Variants in RB1 observed in about 807,000 individuals in gnomAD.
The protein encoded by RB1 is RB transcriptional corepressor 1.
In RB1, 18 loss-of-function variants were observed where a neutral mutation model predicts 135.4. That is an observed-to-expected ratio of 0.13 (90% confidence interval 0.09 to 0.20). RB1 has a LOEUF of 0.20. Among genes scored for constraint, RB1 ranks in the 10% least tolerant of loss-of-function variants. RB1 has a pLI of 1.00. For synonymous variants in RB1, 365 were observed against 373.2 expected (o/e 0.98, Z 0.25); for missense variants, 868 against 1,110.0 (o/e 0.78, Z 3.10).
intron 24 of RB1, 135 bp downstream of exon 24, chr13:48,473,525 G>A (rs1949485521): frequency 2.9e-6 from 2 of 694,380 alleles, no homozygotes; most frequent in South Asian, 1.8e-5. Context: ...AATTTTATGA[G>A]ATATATATAT....
chr13:48,344,552 G>A (rs922207162), intron 3 of RB1, among the ~76,000 whole-genome samples: 1 of 152,150 alleles, frequency 6.6e-6, no homozygotes, highest in African/African-American at 2.4e-5. Context: ...GGTGGGGTAA[G>A]TCCAGAACTG....
At chr13:48,394,206 C>T (rs1948630934) in intron 17 of RB1, among the ~76,000 whole-genome samples, 1 of 152,214 alleles carries the variant, frequency 6.6e-6, no homozygotes, top group South Asian at 2.1e-4. Flanking sequence ...TCATGAGGAA[C>T]ATTGCATTCC....
At position 48,346,772 on chromosome 13, in the gene RB1, C is replaced by T. The variant is rs143456333; in HGVS notation, c.501-1053C>T. 4.9e-4 allele frequency among the ~76,000 whole-genome samples: 74 copies of T among 152,056 alleles called. 1 individual carries two copies. In the East Asian group the frequency reaches 0.01, roughly 21 times the overall value. On this transcript the variant is annotated intron_variant, in intron 4 of 26. Coordinates refer to ENST00000267163, the MANE Select transcript of RB1 (RefSeq NM_000321.3). ...GTAAGGAAGAAACCTAGACCACTAA[C>T]GCATAGAATGAAATGACTGGAGAGA...
chr13:48,390,394 G>T (rs1948601693), intron 17 of RB1, among the ~76,000 whole-genome samples: 1 of 152,098 alleles, frequency 6.6e-6, no homozygotes, highest in Non-Finnish European at 1.5e-5. Flanking sequence ...AAATGATCTT[G>T]GGAGTGCATG....
intron 2 of RB1, among the ~76,000 whole-genome samples, chr13:48,310,121 C>G (rs1952119597): frequency 6.6e-6 from 1 of 152,094 alleles, no homozygotes; most frequent in Non-Finnish European, 1.5e-5. Context: ...CAGACTTTTC[C>G]TTGAAATATG....
chr13:48,415,428 C>T (rs561862175), intron 17 of RB1, among the ~76,000 whole-genome samples: 26 of 151,918 alleles, frequency 1.7e-4, no homozygotes, highest in South Asian at 1.2e-3. Flanking sequence ...TATGGGCACC[C>T]GCCACCACAC....
intron 17 of RB1, among the ~76,000 whole-genome samples, chr13:48,434,356 GA>G (rs914411007): frequency 4.6e-5 from 7 of 151,858 alleles, no homozygotes; most frequent in South Asian, 4.2e-4. Flanking sequence ...TAAAAACGGA[GA>G]AAAAAAATTT....
intron 17 of RB1, among the ~76,000 whole-genome samples, chr13:48,395,791 A>C (rs906217559): frequency 6.6e-6 from 1 of 152,190 alleles, no homozygotes; most frequent in African/African-American, 2.4e-5. Flanking sequence ...GAGTGGAACC[A>C]AGTTAGAAAA....
chr13:48,315,748 G>A (rs963874708), intron 2 of RB1, among the ~76,000 whole-genome samples: 1 of 152,134 alleles, frequency 6.6e-6, no homozygotes, highest in Non-Finnish European at 1.5e-5. Context: ...TCCACTAATC[G>A]GCTGATGGGC....
intron 17 of RB1, among the ~76,000 whole-genome samples, chr13:48,398,469 T>C (rs115345200): frequency 0.013 from 1,920 of 152,198 alleles, 45 homozygotes; most frequent in African/African-American, 0.044. Context: ...GCTTAAATAC[T>C]GAGCACTTTC....
At chr13:48,335,664 G>A (rs926175089) in intron 2 of RB1, among the ~76,000 whole-genome samples, 1 of 149,060 alleles carries the variant, frequency 6.7e-6, no homozygotes, top group Admixed American at 6.6e-5. Context: ...TTCTTTTTTT[G>A]GTGTGTGTGG....
intron 11 of RB1, 140 bp downstream of exon 11, chr13:48,368,744 A>C (rs1164127301): frequency 2.3e-6 from 3 of 1,288,590 alleles, no homozygotes; most frequent in East Asian, 5.8e-5. Context: ...GGTGGATCAC[A>C]CCTGTAATCC....
intron 13 of RB1, 116 bp from the exon 14 acceptor site, chr13:48,379,478 A>T: frequency 1.5e-6 from 2 of 1,320,598 alleles, no homozygotes; most frequent in South Asian, 1.3e-5. Context: ...TGAGCCCAGG[A>T]GTGTGAAGGC....
chr13:48,412,750 A>G (rs1025852906), intron 17 of RB1: 8 of 354,928 alleles, frequency 2.3e-5, no homozygotes, highest in African/African-American at 1.7e-4. Flanking sequence ...ATAAATTTAA[A>G]GAAAAGCTGT....
At chr13:48,416,940 C>T (rs915071903) in intron 17 of RB1, among the ~76,000 whole-genome samples, 2 of 152,184 alleles carry the variant, frequency 1.3e-5, no homozygotes, top group Non-Finnish European at 2.9e-5. Context: ...GATAAAACTG[C>T]CATCTCCCTG....
chr13:48,446,118 C>T (rs192970201), intron 17 of RB1, among the ~76,000 whole-genome samples: 9 of 152,094 alleles, frequency 5.9e-5, no homozygotes, highest in African/African-American at 1.9e-4. Flanking sequence ...CCACCATGCC[C>T]GGCTAATTTT....
intron 7 of RB1, among the ~76,000 whole-genome samples, chr13:48,362,200 C>A (rs894649941): frequency 6.6e-6 from 1 of 152,006 alleles, no homozygotes; most frequent in Non-Finnish European, 1.5e-5. Flanking sequence ...CCTGCCTTGG[C>A]CTCCCAAAGT....
At chr13:48,430,963 C>T (rs1949124069) in intron 17 of RB1, among the ~76,000 whole-genome samples, 1 of 151,926 alleles carries the variant, frequency 6.6e-6, no homozygotes, top group Non-Finnish European at 1.5e-5. Flanking sequence ...TAGAGGCTTT[C>T]TAAGTATTAT....
chr13:48,399,385 C>T (rs1056759896), intron 17 of RB1, among the ~76,000 whole-genome samples: 12 of 151,796 alleles, frequency 7.9e-5, no homozygotes, highest in Non-Finnish European at 1.5e-4. Flanking sequence ...TGCTAGTGAA[C>T]TAATAATCTA....
Sources: allele counts gnomAD v4.1 joint callset (sites outside exome capture counted in the v4.1 genomes callset), GRCh38; gene constraint gnomAD v4.1.1; transcripts MANE v1.5; gene names NCBI Gene and HGNC (gene_info 2026-07-23, HGNC 2026-07-21).